Variants in RAB3GAP1 observed in about 807,000 individuals in gnomAD.
The protein encoded by RAB3GAP1 is rab3 GTPase-activating protein catalytic subunit.
In RAB3GAP1, 86 loss-of-function variants were observed where a neutral mutation model predicts 130.7. That is an observed-to-expected ratio of 0.66 (90% CI 0.55 to 0.79). RAB3GAP1 has a LOEUF of 0.79. Ranked by LOEUF, RAB3GAP1 falls within the 30% of genes least tolerant of loss-of-function variation. RAB3GAP1 has a pLI of 0.00. For synonymous variants in RAB3GAP1, 367 were observed against 401.7 expected (o/e 0.91, Z 1.03); for missense variants, 1,029 against 1,169.4 (o/e 0.88, Z 1.75).
intron 17 of RAB3GAP1, among the ~76,000 whole-genome samples, chr2:135,141,664 C>A (rs765471844): frequency 6.6e-6 from 1 of 152,076 alleles, no homozygotes; most frequent in Non-Finnish European, 1.5e-5. Flanking sequence ...AAGATATTTT[C>A]TTTTCTTTTG....
At chr2:135,083,528 A>G (rs1689887354) in intron 3 of RAB3GAP1, among the ~76,000 whole-genome samples, 1 of 151,964 alleles carries the variant, frequency 6.6e-6, no homozygotes, top group Non-Finnish European at 1.5e-5. Flanking sequence ...TGCTACAATC[A>G]TAGTTTACTG....
rs531893401 is a variant in RAB3GAP1, at chr2:135,060,601, C to A, written c.150+2515C>A. ...CAAATGTTCACATGGGTATAACTTACACTCCTGTCAAGATAGAGGTCATCT... is the reference window on the plus strand; with the variant it reads ...CAAATGTTCACATGGGTATAACTTAAACTCCTGTCAAGATAGAGGTCATCT... On this transcript the variant is annotated intron_variant, in intron 3 of 23. Transcript: ENST00000264158. Among the ~76,000 whole-genome samples the A allele has an allele frequency of 2.0e-5, 3 of 151,976 alleles. No homozygotes were observed. In the South Asian group the frequency reaches 6.3e-4, roughly 32 times the overall value.
In RAB3GAP1 at chr2:135,168,666, C is replaced by G. The variant is rs1287391427; in HGVS notation, c.2831C>G (p.Thr944Ser). The change falls in exon 24 of 24, where the codon ACT becomes AGT. Residue 944 changes from threonine to serine, a missense_variant. Physicochemically the swap from Thr to Ser is moderately conservative, Grantham distance 58. Around this residue, in one of 3 missense-constraint regions of RAB3GAP1, gnomAD observed 146 missense variants for 143.7 expected, o/e 1.02. Transcript: ENST00000264158. ...GGCCGGGAATTCATTTTGCGCACCACTGTGCCGCGCCCTGCTCCCTACTCC... is the reference window on the plus strand; with the variant it reads ...GGCCGGGAATTCATTTTGCGCACCAGTGTGCCGCGCCCTGCTCCCTACTCC... ...PAGREFILRT[T>S]VPRPAPYSKA... 2 of 1,614,214 alleles carry G rather than the reference C, an allele frequency of 1.2e-6. No individual in the cohort carries two copies. Among genetic ancestry groups the G allele is most frequent in the Admixed American group, 3.3e-5 (2 of 60,032 alleles).
intron 17 of RAB3GAP1, among the ~76,000 whole-genome samples, chr2:135,140,397 C>A (rs1420657274): frequency 6.6e-6 from 1 of 152,150 alleles, no homozygotes; most frequent in East Asian, 1.9e-4. Flanking sequence ...CAGAATCCTC[C>A]CCATTTGATG....
intron 3 of RAB3GAP1, among the ~76,000 whole-genome samples, chr2:135,062,191 G>C (rs1689194638): frequency 6.6e-6 from 1 of 152,152 alleles, no homozygotes; most frequent in Non-Finnish European, 1.5e-5. Context: ...TGGGATTACG[G>C]GCATGAGGCA....
intron 22 of RAB3GAP1, among the ~76,000 whole-genome samples, chr2:135,163,638 C>T (rs551582370): frequency 3.9e-5 from 6 of 152,336 alleles, no homozygotes; most frequent in South Asian, 4.1e-4. Flanking sequence ...TGAGACTCGG[C>T]ACCATTACCA....
intron 17 of RAB3GAP1, among the ~76,000 whole-genome samples, chr2:135,137,784 A>G (rs138540055): frequency 4.6e-5 from 7 of 152,130 alleles, no homozygotes; most frequent in Middle Eastern, 3.4e-3. Flanking sequence ...CTCAACAACA[A>G]CAGCAGCAAT....
intron 8 of RAB3GAP1, 180 bp from the exon 9 acceptor site, chr2:135,123,985 A>G (rs1558787602): frequency 5.0e-6 from 3 of 600,666 alleles, no homozygotes; most frequent in Non-Finnish European, 8.9e-6. Flanking sequence ...TTACTGTAAC[A>G]TTCTCTGGGG....
At chr2:135,125,629 C>G (rs1013975167) in intron 9 of RAB3GAP1, among the ~76,000 whole-genome samples, 1 of 152,126 alleles carries the variant, frequency 6.6e-6, no homozygotes, top group Non-Finnish European at 1.5e-5. Flanking sequence ...TCACTCTGAT[C>G]ACCAAGACAG....
chr2:135,157,998 C>T (rs140163280), intron 19 of RAB3GAP1, among the ~76,000 whole-genome samples: 1,528 of 152,040 alleles, frequency 0.01, 19 homozygotes, highest in African/African-American at 0.034. Flanking sequence ...GAATTTCTTA[C>T]TGTGGAAGTG....
rs781294054 is a variant in RAB3GAP1, at chr2:135,133,858, T to C, written c.1327-3T>C. On this transcript the variant is annotated splice_polypyrimidine_tract_variant and splice_region_variant and intron_variant, in intron 14 of 23. Coordinates refer to ENST00000264158, the MANE Select transcript of RAB3GAP1 (RefSeq NM_012233.3). ...TGCTTTGTTTCTATTTTGTTAAATT[T>C]AGAATCTCTACAATCAGTTCAAGTC... The C allele has an allele frequency of 6.2e-7, 1 of 1,613,098 alleles. No homozygotes were observed. Among genetic ancestry groups the C allele is most frequent in the Admixed American group, 1.7e-5 (1 of 60,020 alleles).
intron 19 of RAB3GAP1, among the ~76,000 whole-genome samples, chr2:135,154,269 T>C (rs1181674455): frequency 6.6e-6 from 1 of 152,200 alleles, no homozygotes; most frequent in Non-Finnish European, 1.5e-5. Context: ...AACCAAAGTT[T>C]CCAACAACAG....
intron 18 of RAB3GAP1, 60 bp from the exon 19 acceptor site, chr2:135,153,589 G>A (rs1047041655): frequency 7.6e-5 from 114 of 1,499,970 alleles, no homozygotes; most frequent in Non-Finnish European, 1.0e-4. Flanking sequence ...TTTGCAAACA[G>A]GCTTATCAGT....
intron 3 of RAB3GAP1, among the ~76,000 whole-genome samples, chr2:135,060,107 A>G (rs1464936311): frequency 6.6e-6 from 1 of 152,134 alleles, no homozygotes; most frequent in Admixed American, 6.5e-5. Flanking sequence ...ACTCCCATGT[A>G]CCCATCACTT....
chr2:135,117,711 G>GCTTCTTCTGCTTCTTCTTCTGCTTCTT, intron 7 of RAB3GAP1, among the ~76,000 whole-genome samples: 1 of 22,042 alleles, frequency 4.5e-5, no homozygotes, highest in African/African-American at 1.5e-4. Flanking sequence ...TTCTGCTTCT[G>GCTTCTTCTGCTTCTTCTTCTGCTTCTT]CTTCTTCTTC....
intron 17 of RAB3GAP1, among the ~76,000 whole-genome samples, chr2:135,137,877 G>T (rs566685210): frequency 4.6e-5 from 7 of 151,504 alleles, no homozygotes; most frequent in Admixed American, 1.3e-4. Context: ...CCAGGTGGGA[G>T]TGCAGTGGCA....
rs1689036011 is a variant in RAB3GAP1, at chr2:135,057,093, G to A, written c.75-918G>A. ...GACTTGACAGTTTTCATTTACTGAT[G>A]TTGAGCATGTTGCTACTCAAAATTC... On this transcript the variant is annotated intron_variant, in intron 2 of 23. Coordinates refer to ENST00000264158, the MANE Select transcript of RAB3GAP1 (RefSeq NM_012233.3). Among the ~76,000 whole-genome samples the A allele has an allele frequency of 2.6e-5, 4 of 152,168 alleles. No homozygotes were observed. The South Asian group carries it at 8.3e-4, about 31-fold the overall frequency.
chr2:135,147,049 T>C (rs1413374025), intron 17 of RAB3GAP1, among the ~76,000 whole-genome samples: 1 of 152,058 alleles, frequency 6.6e-6, no homozygotes. Context: ...ATTCTACTTC[T>C]AAAAAGTTGT....
At chr2:135,093,000 T>C (rs1042421321) in intron 4 of RAB3GAP1, among the ~76,000 whole-genome samples, 6 of 152,224 alleles carry the variant, frequency 3.9e-5, no homozygotes, top group African/African-American at 1.4e-4. Flanking sequence ...CTTTAGTCTT[T>C]TAGCAAAATA....
Sources: gnomAD v4.1 joint callset for allele counts (sites outside exome capture counted in the v4.1 genomes callset) on GRCh38, gnomAD v4.1.1 for gene constraint, gnomAD v4.1.1 regional missense constraint, MANE v1.5 for transcripts, NCBI Gene and HGNC (gene_info 2026-07-23, HGNC 2026-07-21) for gene names.